QKI: variants seen among roughly 807,000 people sequenced by gnomAD.
QKI encodes QKI, KH domain containing RNA binding, also known as KH domain-containing RNA-binding protein QKI.
In QKI, 10 loss-of-function variants were observed where a neutral mutation model predicts 39.0. That is an observed-to-expected ratio of 0.26 (90% CI 0.16 to 0.43). The LOEUF (loss-of-function observed/expected upper bound fraction) is 0.43, where lower values mean the gene tolerates loss of function less well. QKI is among the 20% of genes least tolerant of loss of function. The pLI is 1.00. For synonymous variants in QKI, 204 were observed against 155.4 expected (o/e 1.31, Z -2.33); for missense variants, 218 against 428.0 (o/e 0.51, Z 4.33).
intron 3 of QKI, among the ~76,000 whole-genome samples, chr6:163,528,699 C>G (rs73246623): frequency 3.8e-4 from 58 of 152,152 alleles, no homozygotes; most frequent in African/African-American, 1.4e-3. Context: ...GAATACAGAC[C>G]ATGATAATCA....
intron 1 of QKI, among the ~76,000 whole-genome samples, chr6:163,421,463 C>T (rs954323613): frequency 2.0e-5 from 3 of 152,116 alleles, no homozygotes; most frequent in East Asian, 1.9e-4. Context: ...TTTTAAAAGT[C>T]CCCACATATA....
intron 3 of QKI, among the ~76,000 whole-genome samples, chr6:163,508,409 C>T (rs1779227964): frequency 6.6e-6 from 1 of 152,052 alleles, no homozygotes; most frequent in African/African-American, 2.4e-5. Context: ...AATTACACAC[C>T]ATATATAGGG....
At chr6:163,441,145 C>T (rs555773196) in intron 1 of QKI, among the ~76,000 whole-genome samples, 18 of 151,980 alleles carry the variant, frequency 1.2e-4, no homozygotes, top group Non-Finnish European at 2.5e-4. Context: ...AAAGCCAAGA[C>T]TAAGCACATA....
rs1783778091 is a variant in QKI, at chr6:163,572,759, A to AC, written c.*2051dup. 7.2e-6 allele frequency: 1 copy of AC among 139,324 alleles called. No homozygotes were observed. The highest frequency in any genetic ancestry group is 1.5e-5 in the Non-Finnish European group (1 of 65,530). The allele number at this position is 139,324 out of a possible 1,614,324, so 8.6% of individuals were successfully genotyped here. A position where few individuals can be genotyped will look rare whatever the true frequency, so the allele number is the denominator to read the frequency against. ...GAGGTCAGCAGGAAGCTGAGTCATT[A>AC]CCTTCTTGGTGACCTCCCCCACCAT... On this transcript the variant is annotated 3_prime_UTR_variant, in exon 8 of 8. Transcript: ENST00000361752.
intron 1 of QKI, among the ~76,000 whole-genome samples, chr6:163,430,927 AT>A (rs1440788984): frequency 1.3e-5 from 2 of 152,186 alleles, no homozygotes; most frequent in African/African-American, 4.8e-5. Flanking sequence ...GTGTTGCCAT[AT>A]TAAGTCTCCA....
chr6:163,551,196 A>T (rs1482883069), intron 4 of QKI, among the ~76,000 whole-genome samples: 1 of 152,152 alleles, frequency 6.6e-6, no homozygotes, highest in East Asian at 1.9e-4. Flanking sequence ...TGGTCATCAA[A>T]ATTTGTAGGG....
At chr6:163,550,497 C>T (rs150644117) in intron 4 of QKI, among the ~76,000 whole-genome samples, 1 of 152,130 alleles carries the variant, frequency 6.6e-6, no homozygotes, top group East Asian at 1.9e-4. Flanking sequence ...TGGGGGGAAG[C>T]TATGTGGCTA....
At position 163,533,163 on chromosome 6, in the gene QKI, A is replaced by G. The variant is rs1056323998; in HGVS notation, c.403-1819A>G. ...AAAAAAAAAAAGATAAATAAAAAAT[A>G]CAAATTTTGGTGAGAAAATACTGTT... On this transcript the variant is annotated intron_variant, in intron 3 of 7. Transcript: ENST00000361752. 9.2e-5 allele frequency among the ~76,000 whole-genome samples: 14 copies of G among 152,278 alleles called. No homozygotes were observed. In the East Asian group the frequency reaches 1.5e-3, roughly 17 times the overall value.
At chr6:163,566,489 G>A (rs543666611) in intron 6 of QKI, 1 of 1,347,784 alleles carries the variant, frequency 7.4e-7, no homozygotes, top group South Asian at 1.6e-5. Context: ...GATTGTAAAT[G>A]AATGGATACA....
At chr6:163,430,419 C>A (rs1310856893) in intron 1 of QKI, among the ~76,000 whole-genome samples, 1 of 151,876 alleles carries the variant, frequency 6.6e-6, no homozygotes, top group Non-Finnish European at 1.5e-5. Context: ...TATTGTTTAT[C>A]TGTATGCTTA....
chr6:163,570,701 C>G lies in QKI; in HGVS notation c.1017C>G (p.Thr339=). 1 of 1,612,776 alleles carries G rather than the reference C, an allele frequency of 6.2e-7. No individual in the cohort carries two copies. The highest frequency in any genetic ancestry group is 8.5e-7 in the Non-Finnish European group (1 of 1,179,564). The change falls in exon 8 of 8, where the codon ACC becomes ACG. Residue 339 remains threonine (T), a synonymous_variant. Coordinates refer to ENST00000361752, the MANE Select transcript of QKI (RefSeq NM_006775.3). ...TTGTTTCTAACCACCCAGCCGCCAC[C>G]GGCAACTAACCTATGACCTTCTGAC... ...QRIVTADRAA[T]GN
chr6:163,452,499 C>CT (rs1790645307), intron 1 of QKI, among the ~76,000 whole-genome samples: 1 of 152,136 alleles, frequency 6.6e-6, no homozygotes, highest in South Asian at 2.1e-4. Context: ...AAACCTAGCT[C>CT]TTTCTTGCCT....
chr6:163,480,551 G>C (rs1168271998), intron 3 of QKI, among the ~76,000 whole-genome samples: 1 of 151,988 alleles, frequency 6.6e-6, no homozygotes, highest in South Asian at 2.1e-4. Context: ...TCATAATATT[G>C]ATTATTTAAA....
intron 3 of QKI, among the ~76,000 whole-genome samples, chr6:163,517,385 A>G (rs1425034891): frequency 2.0e-5 from 3 of 152,144 alleles, no homozygotes; most frequent in Non-Finnish European, 2.9e-5. Flanking sequence ...AGAATTTCTC[A>G]CAGCAGTATC....
chr6:163,554,280 A>T (rs1440073676), intron 4 of QKI, among the ~76,000 whole-genome samples: 5 of 152,158 alleles, frequency 3.3e-5, no homozygotes, highest in Non-Finnish European at 7.3e-5. Context: ...GGGAAAGAGA[A>T]CATCTCTTTC....
At chr6:163,564,924 T>G in intron 6 of QKI, 3 of 1,351,242 alleles carry the variant, frequency 2.2e-6, no homozygotes, top group Non-Finnish European at 2.8e-6. Context: ...TATTGATTTA[T>G]AAAGATTTGA....
chr6:163,541,323 A>T (rs1225882129), intron 4 of QKI, among the ~76,000 whole-genome samples: 1 of 152,046 alleles, frequency 6.6e-6, no homozygotes, highest in Admixed American at 6.6e-5. Flanking sequence ...GTATTTGATA[A>T]GATGGTAGTC....
chr6:163,565,382 C>A (rs998494400), intron 6 of QKI: 3 of 986,060 alleles, frequency 3.0e-6, no homozygotes, highest in Non-Finnish European at 3.6e-6. Context: ...CCAGCACTTT[C>A]AGCGCAAGAT....
intron 3 of QKI, among the ~76,000 whole-genome samples, chr6:163,492,426 G>A (rs1037859941): frequency 1.3e-5 from 2 of 152,128 alleles, no homozygotes; most frequent in Non-Finnish European, 2.9e-5. Context: ...ATAGTTTGTG[G>A]GGCTGTGTTT....
Sources: gnomAD v4.1 joint callset for allele counts (sites outside exome capture counted in the v4.1 genomes callset) on GRCh38, gnomAD v4.1.1 for gene constraint, MANE v1.5 for transcripts, NCBI Gene and HGNC (gene_info 2026-07-23, HGNC 2026-07-21) for gene names.